The following CFAP54 variants were observed in gnomAD, a reference collection of about 807,000 sequenced individuals.
CFAP54 encodes the protein cilia and flagella associated protein 54, also known as cilia- and flagella-associated protein 54.
CFAP54 carries 290 observed loss-of-function variants against 370.4 expected under a neutral mutation model. That is an observed-to-expected ratio of 0.78 (90% CI 0.71 to 0.86). The LOEUF (loss-of-function observed/expected upper bound fraction) is 0.86, where lower values mean the gene tolerates loss of function less well. CFAP54 is among the 40% of genes least tolerant of loss of function. The pLI is 0.00. For synonymous variants in CFAP54, 1,206 were observed against 1,236.5 expected (o/e 0.98, Z 0.52); for missense variants, 3,399 against 3,528.7 (o/e 0.96, Z 0.93).
chr12:96,827,608 G>GTGCAATTATATGTGATTATATATAGTA (rs1959130646), intron 65 of CFAP54, among the ~76,000 whole-genome samples: 1 of 119,576 alleles, frequency 8.4e-6, no homozygotes, highest in Non-Finnish European at 1.7e-5. Context: ...TATATATAGT[G>GTGCAATTATATGTGATTATATATAGTA]TGCAATTATA....
At chr12:96,872,555 T>C (rs1960196948) in intron 67 of CFAP54, among the ~76,000 whole-genome samples, 1 of 152,210 alleles carries the variant, frequency 6.6e-6, no homozygotes, top group African/African-American at 2.4e-5. Flanking sequence ...AGAGGTGAAA[T>C]AAAACATTTT....
chr12:96,504,780 A>G (rs139234061), intron 3 of CFAP54, among the ~76,000 whole-genome samples: 1 of 152,300 alleles, frequency 6.6e-6, no homozygotes, highest in African/African-American at 2.4e-5. Flanking sequence ...GAACAGTTCA[A>G]TTTGGCTGTA....
rs187140406 is a variant in CFAP54, at chr12:96,533,952, A to G, written c.1518A>G (p.Val506=). 2.3e-4 allele frequency: 351 copies of G among 1,519,660 alleles called. No homozygotes were observed. The African/African-American group carries it at 4.3e-3, about 19-fold the overall frequency. 94.1% of individuals were successfully genotyped at this position (1,519,660 alleles called of 1,614,324 possible). The part of the protein sequence containing the change: ...EEWSLFESSA[V]HLIYFLQRQD... The stretch of plus-strand genomic sequence containing the variant: ...GGAGTTTATTTGAATCTTCTGCTGT[A>G]CATCTTATTTATTTTCTCCAGGTAA... Residue 506 remains valine (V), a synonymous_variant, in exon 10 of 68, where the codon GTA becomes GTG. Transcript: ENST00000524981.
chr12:96,714,241 G>C (rs1030201623), intron 48 of CFAP54, among the ~76,000 whole-genome samples: 1 of 152,194 alleles, frequency 6.6e-6, no homozygotes, highest in African/African-American at 2.4e-5. Flanking sequence ...CCTTGAAGGT[G>C]GAGTCAAAAA....
At chr12:96,677,118 T>G (rs1224142614) in intron 39 of CFAP54, among the ~76,000 whole-genome samples, 1 of 151,998 alleles carries the variant, frequency 6.6e-6, no homozygotes, top group Non-Finnish European at 1.5e-5. Flanking sequence ...TCCTCCCACT[T>G]CAGCCTCCCA....
Position 96,771,677 on chromosome 12 carries a change from A to G in CFAP54, c.8281+6459A>G, listed in dbSNP as rs140619717. On this transcript the variant is annotated intron_variant, in intron 60 of 67. Coordinates refer to ENST00000524981, the MANE Select transcript of CFAP54 (RefSeq NM_001306084.2). The stretch of plus-strand genomic sequence containing the variant: ...AAAAACAAAAAACAAACAAACAAAA[A>G]ACAACAAAAAAAAACCCCACTTTAG... 2.8e-3 allele frequency among the ~76,000 whole-genome samples: 432 copies of G among 152,152 alleles called. 2 individuals are homozygous for G. Among genetic ancestry groups the G allele is most frequent in the African/African-American group, 9.9e-3 (411 of 41,508 alleles).
intron 65 of CFAP54, among the ~76,000 whole-genome samples, chr12:96,824,144 A>G (rs763900042): frequency 7.2e-5 from 11 of 152,148 alleles, no homozygotes; most frequent in South Asian, 2.1e-4. Context: ...TAGCTGCAGC[A>G]TGCGTGCATC....
intron 40 of CFAP54, among the ~76,000 whole-genome samples, chr12:96,681,120 C>A (rs967728361): frequency 1.2e-5 from 1 of 84,362 alleles, no homozygotes; most frequent in Non-Finnish European, 2.6e-5. Context: ...AGCACCCCCC[C>A]ACACACACAC....
intron 47 of CFAP54, among the ~76,000 whole-genome samples, chr12:96,705,481 T>G (rs1245634569): frequency 2.0e-5 from 3 of 152,166 alleles, no homozygotes; most frequent in Admixed American, 1.3e-4. Flanking sequence ...ATGAAATAAC[T>G]GGTATTAGGA....
At chr12:96,653,201 A>G (rs1349432882) in intron 36 of CFAP54, among the ~76,000 whole-genome samples, 1 of 152,214 alleles carries the variant, frequency 6.6e-6, no homozygotes, top group Non-Finnish European at 1.5e-5. Flanking sequence ...AGTGAGTTCT[A>G]TGAGTCATTC....
intron 19 of CFAP54, among the ~76,000 whole-genome samples, chr12:96,566,404 C>T (rs1849783206): frequency 6.6e-6 from 1 of 152,010 alleles, no homozygotes; most frequent in African/African-American, 2.4e-5. Context: ...CATCTTGATC[C>T]GTATGGTGGT....
chr12:96,568,460 G>A (rs1955883320), intron 19 of CFAP54, among the ~76,000 whole-genome samples: 1 of 151,996 alleles, frequency 6.6e-6, no homozygotes, highest in East Asian at 1.9e-4. Flanking sequence ...GCTCCTCAGT[G>A]GTGGTTTTTA....
chr12:96,594,022 C>T (rs1956151013), intron 24 of CFAP54, among the ~76,000 whole-genome samples: 1 of 151,788 alleles, frequency 6.6e-6, no homozygotes, highest in South Asian at 2.1e-4. Flanking sequence ...AAAATATAGC[C>T]AAGTTTTTAG....
At chr12:96,690,154 A>C (rs1199988071) in intron 43 of CFAP54, among the ~76,000 whole-genome samples, 1 of 152,244 alleles carries the variant, frequency 6.6e-6, no homozygotes, top group Non-Finnish European at 1.5e-5. Flanking sequence ...AATGTGGACA[A>C]TATGTGTATT....
rs189840879 is a variant in CFAP54 at position 96,642,902 on chromosome 12, C to G, written c.4317-1276C>G. 2.3e-4 allele frequency among the ~76,000 whole-genome samples: 35 copies of G among 152,214 alleles called. No individual in the cohort carries two copies. In the East Asian group the frequency reaches 6.4e-3, roughly 28 times the overall value. On this transcript the variant is annotated intron_variant, in intron 32 of 67. Coordinates refer to ENST00000524981, the MANE Select transcript of CFAP54 (RefSeq NM_001306084.2). ...TAGGAGGAAAAGCATTCTGTACCCT[C>G]TGTGGGCTGGATGTGAATTCCCTTC... is the stretch of plus-strand genomic sequence containing the variant.
chr12:96,583,301 G>T (rs546935619), intron 22 of CFAP54, among the ~76,000 whole-genome samples: 4 of 152,144 alleles, frequency 2.6e-5, no homozygotes, highest in Admixed American at 6.5e-5. Context: ...AGTAGAAAAT[G>T]ACTAGATAAT....
chr12:96,552,529 G>A (rs1281276337), intron 15 of CFAP54, among the ~76,000 whole-genome samples: 1 of 151,942 alleles, frequency 6.6e-6, no homozygotes, highest in East Asian at 1.9e-4. Flanking sequence ...TTTTTTGGTA[G>A]GGACACGGTT....
chr12:96,812,614 T>A (rs572613138), intron 64 of CFAP54, among the ~76,000 whole-genome samples: 1 of 152,334 alleles, frequency 6.6e-6, no homozygotes, highest in East Asian at 1.9e-4. Context: ...TGTGTGAACA[T>A]GCTTTGAAAA....
intron 38 of CFAP54, among the ~76,000 whole-genome samples, chr12:96,659,566 TA>T (rs1956967760): frequency 6.6e-6 from 1 of 152,270 alleles, no homozygotes; most frequent in African/African-American, 2.4e-5. Flanking sequence ...AACGCAATTA[TA>T]AAATATCATT....
Sources: gnomAD v4.1 joint callset for allele counts (sites outside exome capture counted in the v4.1 genomes callset) on GRCh38, gnomAD v4.1.1 for gene constraint, MANE v1.5 for transcripts, NCBI Gene and HGNC (gene_info 2026-07-23, HGNC 2026-07-21) for gene names.